Variants in CACNG2 observed in about 807,000 individuals in gnomAD.
The protein encoded by CACNG2 is calcium voltage-gated channel auxiliary subunit gamma 2, also known as voltage-dependent calcium channel gamma-2 subunit.
In CACNG2, 3 loss-of-function variants were observed where a neutral mutation model predicts 25.9. The observed-to-expected ratio is 0.12, with a 90% CI of 0.05 to 0.30. CACNG2 has a LOEUF of 0.30. Ranked by LOEUF, CACNG2 falls within the 10% of genes least tolerant of loss-of-function variation. The pLI is 1.00. For synonymous variants in CACNG2, 167 were observed against 173.3 expected (o/e 0.96, Z 0.29); for missense variants, 341 against 432.5 (o/e 0.79, Z 1.88).
intron 1 of CACNG2, among the ~76,000 whole-genome samples, chr22:36,664,192 T>G (rs1936840623): frequency 6.6e-6 from 1 of 152,066 alleles, no homozygotes; most frequent in African/African-American, 2.4e-5. Flanking sequence ...CTGAAACGTT[T>G]ATAGTAAGGA....
At chr22:36,636,455 G>T (rs1418582633) in intron 1 of CACNG2, among the ~76,000 whole-genome samples, 1 of 152,210 alleles carries the variant, frequency 6.6e-6, no homozygotes, top group Non-Finnish European at 1.5e-5. Context: ...TGGACAGGGG[G>T]AAAGATGGCT....
chr22:36,610,198 G>A (rs1048317570), intron 1 of CACNG2, among the ~76,000 whole-genome samples: 3 of 151,638 alleles, frequency 2.0e-5, no homozygotes, highest in African/African-American at 7.3e-5. Flanking sequence ...GTGACTGGGA[G>A]GAATCAGCCC....
At position 36,591,791 on chromosome 22, in the gene CACNG2, G is replaced by C. The variant is rs771305562; in HGVS notation, c.212-4243C>G. On this transcript the variant is annotated intron_variant, in intron 1 of 3. Coordinates refer to ENST00000300105, the MANE Select transcript of CACNG2 (RefSeq NM_006078.5). ...ATGAGGCCCAGGACACAGCACAAGG[G>C]GGGTGGTGCTGTGCCAGGAGGGACA... Among the ~76,000 whole-genome samples the C allele has an allele frequency of 3.9e-5, 6 of 152,272 alleles. No homozygotes were observed. In the South Asian group the frequency reaches 8.3e-4, roughly 21 times the overall value.
intron 1 of CACNG2, among the ~76,000 whole-genome samples, chr22:36,615,283 G>C (rs2145944671): frequency 6.6e-6 from 1 of 152,346 alleles, no homozygotes; most frequent in Non-Finnish European, 1.5e-5. Context: ...TGAACAAACT[G>C]CACAAACTAC....
intron 1 of CACNG2, among the ~76,000 whole-genome samples, chr22:36,643,200 C>CTCCT (rs993716666): frequency 7.1e-6 from 1 of 141,422 alleles, no homozygotes; most frequent in African/African-American, 2.6e-5. Flanking sequence ...TCCTTTCTTT[C>CTCCT]TCCTTCCTTC....
intron 1 of CACNG2, among the ~76,000 whole-genome samples, chr22:36,614,695 G>A (rs1935997518): frequency 6.6e-6 from 1 of 152,156 alleles, no homozygotes; most frequent in Non-Finnish European, 1.5e-5. Context: ...TGAGGCCTGT[G>A]ATGCCATAAT....
At chr22:36,628,446 G>C (rs5756271) in intron 1 of CACNG2, among the ~76,000 whole-genome samples, 19,057 of 152,152 alleles carry the variant, frequency 0.13, 1,352 homozygotes, top group East Asian at 0.25. Flanking sequence ...GCAAACACTA[G>C]TTATAACGAG....
chr22:36,607,317 G>T (rs887496185), intron 1 of CACNG2, among the ~76,000 whole-genome samples: 1 of 152,026 alleles, frequency 6.6e-6, no homozygotes. Context: ...GCACAATCAC[G>T]GCTCACTGCA....
chr22:36,567,449 A>G (rs925680920), intron 2 of CACNG2, among the ~76,000 whole-genome samples: 1 of 152,196 alleles, frequency 6.6e-6, no homozygotes, highest in East Asian at 1.9e-4. Context: ...AGGAAGGAAC[A>G]GGCACATTGC....
At chr22:36,679,503 A>C (rs1937068502) in intron 1 of CACNG2, among the ~76,000 whole-genome samples, 1 of 152,210 alleles carries the variant, frequency 6.6e-6, no homozygotes, top group East Asian at 1.9e-4. Context: ...ATCCACTAGG[A>C]ACCAGATTAC....
intron 1 of CACNG2, among the ~76,000 whole-genome samples, chr22:36,690,508 A>G (rs1409777223): frequency 2.6e-5 from 4 of 152,196 alleles, no homozygotes; most frequent in African/African-American, 9.7e-5. Flanking sequence ...TAATGACAGC[A>G]CCCGACATTT....
chr22:36,632,923 C>T (rs533748797), intron 1 of CACNG2, among the ~76,000 whole-genome samples: 1 of 152,242 alleles, frequency 6.6e-6, no homozygotes, highest in Admixed American at 6.5e-5. Flanking sequence ...ATCTATCCCC[C>T]TTCCCAATCT....
intron 1 of CACNG2, among the ~76,000 whole-genome samples, chr22:36,662,417 G>T (rs1936811808): frequency 6.6e-6 from 1 of 152,098 alleles, no homozygotes; most frequent in Non-Finnish European, 1.5e-5. Context: ...TTTCTGACCT[G>T]ACCCCTGCTT....
Position 36,564,486 on chromosome 22 carries a change from C to T in CACNG2, c.837G>A (p.Lys279=). The part of the protein sequence containing the change: ...SMYTLSRDPL[K]AATTPTATYN... ...AGGTGGCGGTGGGCGTGGTGGCGGC[C>T]TTCAGGGGGTCCCTGCTGAGCGTGT... is the stretch of plus-strand genomic sequence containing the variant. The change falls in exon 4 of 4, where the codon AAG becomes AAA. Residue 279 remains lysine, a synonymous_variant. Transcript: ENST00000300105. The surrounding 1 kb of genome is among the most constrained non-coding windows in gnomAD (Gnocchi z 6.7). 6.2e-7 allele frequency: 1 copy of T among 1,613,942 alleles called. No homozygotes were observed. The highest frequency in any genetic ancestry group is 2.2e-5 in the East Asian group (1 of 44,848).
chr22:36,671,740 G>A (rs1936953616), intron 1 of CACNG2, among the ~76,000 whole-genome samples: 1 of 152,176 alleles, frequency 6.6e-6, no homozygotes, highest in South Asian at 2.1e-4. Flanking sequence ...GGCCTGGCTG[G>A]AAGCTGCTTG....
chr22:36,631,554 A>G (rs1225860664), intron 1 of CACNG2, among the ~76,000 whole-genome samples: 1 of 152,088 alleles, frequency 6.6e-6, no homozygotes, highest in Non-Finnish European at 1.5e-5. Flanking sequence ...AGACAGGAGG[A>G]AAGGTTTTCT....
In CACNG2 at chr22:36,669,831, G is replaced by A. The variant is rs1985739; in HGVS notation, c.211+32535C>T. On this transcript the variant is annotated intron_variant, in intron 1 of 3. Transcript: ENST00000300105. ...GGGTTCAAGCAATTCTCCTGTCTCAGCCTCCGGAGTAGCTGGGATTACAGG... is the reference window on the plus strand; with the variant it reads ...GGGTTCAAGCAATTCTCCTGTCTCAACCTCCGGAGTAGCTGGGATTACAGG... Among the ~76,000 whole-genome samples, 1,169 of 152,236 alleles carry A rather than the reference G, an allele frequency of 7.7e-3. 15 individuals are homozygous for A. Among genetic ancestry groups the A allele is most frequent in the African/African-American group, 0.027 (1,109 of 41,538 alleles).
At chr22:36,641,328 T>C (rs1936439954) in intron 1 of CACNG2, among the ~76,000 whole-genome samples, 1 of 152,214 alleles carries the variant, frequency 6.6e-6, no homozygotes, top group Non-Finnish European at 1.5e-5. Flanking sequence ...TGGCTCAGTG[T>C]AGATAGCCAA....
At chr22:36,587,418 C>CA in intron 2 of CACNG2, 47 bp downstream of exon 2, 1 of 1,350,092 alleles carries the variant, frequency 7.4e-7, no homozygotes, top group Non-Finnish European at 1.1e-6. Flanking sequence ...GATGGAAGGG[C>CA]AGGGCCCACC....
Sources: allele counts gnomAD v4.1 joint callset (sites outside exome capture counted in the v4.1 genomes callset), GRCh38; gene constraint gnomAD v4.1.1; non-coding constraint Gnocchi (gnomAD v3.1); transcripts MANE v1.5; gene names NCBI Gene and HGNC (gene_info 2026-07-23, HGNC 2026-07-21).